SKAP2: variants seen among roughly 807,000 people sequenced by gnomAD.
SKAP2 encodes the protein src kinase-associated phosphoprotein 2.
Under a neutral mutation model 54.9 loss-of-function variants are expected in SKAP2, and 28 were observed. The ratio of observed to expected loss-of-function variants is 0.51; its 90% CI spans 0.38 to 0.70. SKAP2 has a LOEUF of 0.70. Among genes scored for constraint, SKAP2 ranks in the 30% least tolerant of loss-of-function variants. The probability of loss-of-function intolerance (pLI) is 0.00; values close to 1 mark genes in which losing one functional copy is unlikely to be tolerated. For missense variants in SKAP2, 356 were observed against 424.1 expected (o/e 0.84, Z 1.41); for synonymous variants, 137 against 134.3 (o/e 1.02, Z -0.14).
chr7:26,662,748 C>CA (rs1273743449), downstream of SKAP2, among the ~76,000 whole-genome samples: 1 of 152,086 alleles, frequency 6.6e-6, no homozygotes, highest in Admixed American at 6.6e-5. Flanking sequence ...TGCTACATTT[C>CA]AGGTTTTTCA....
chr7:26,702,595 G>A (rs1294297151), intron 9 of SKAP2, among the ~76,000 whole-genome samples: 1 of 152,104 alleles, frequency 6.6e-6, no homozygotes, highest in Non-Finnish European at 1.5e-5. Context: ...TAACCATCCT[G>A]ATCCCTGGTT....
intron 4 of SKAP2, among the ~76,000 whole-genome samples, chr7:26,771,773 T>C (rs1406624086): frequency 6.6e-6 from 1 of 152,182 alleles, no homozygotes; most frequent in Admixed American, 6.5e-5. Context: ...AATATTTTTA[T>C]AGAAAATAAA....
chr7:26,864,570 G>C lies in SKAP2; in HGVS notation c.-141C>G. On this transcript the variant is annotated 5_prime_UTR_variant, in exon 1 of 13. Transcript: ENST00000345317. ...CTACGAGTCGGGACACTGCCGGGCC[G>C]GGGCTCACAACAAGGAAGTCACTGA... 2 of 1,421,946 alleles carry C rather than the reference G, an allele frequency of 1.4e-6. No individual in the cohort carries two copies. Among genetic ancestry groups the C allele is most frequent in the South Asian group, 1.5e-5 (1 of 67,564 alleles). The allele number at this position is 1,421,946 out of a possible 1,614,324, so 88.1% of individuals were successfully genotyped here. A position where few individuals can be genotyped will look rare whatever the true frequency, so the allele number is the denominator to read the frequency against.
chr7:26,747,003 C>A (rs1280126824), intron 4 of SKAP2, among the ~76,000 whole-genome samples: 1 of 152,048 alleles, frequency 6.6e-6, no homozygotes, highest in African/African-American at 2.4e-5. Context: ...TTGAATAATT[C>A]TTCCCTCCAT....
chr7:26,829,089 C>A (rs1188109860), intron 4 of SKAP2, among the ~76,000 whole-genome samples: 1 of 152,038 alleles, frequency 6.6e-6, no homozygotes, highest in Non-Finnish European at 1.5e-5. Flanking sequence ...TAAACTTCGT[C>A]AAAATGCAAA....
intron 9 of SKAP2, among the ~76,000 whole-genome samples, chr7:26,706,075 C>T (rs1317165518): frequency 6.6e-6 from 1 of 151,742 alleles, no homozygotes; most frequent in East Asian, 1.9e-4. Flanking sequence ...GAAATATAAC[C>T]CTATTTGGTT....
chr7:26,681,157 A>G (rs1164172378), intron 11 of SKAP2, among the ~76,000 whole-genome samples: 1 of 152,232 alleles, frequency 6.6e-6, no homozygotes, highest in African/African-American at 2.4e-5. Context: ...CATTTACAAA[A>G]TTAAAACACT....
At chr7:26,712,940 C>T (rs899463780) in intron 9 of SKAP2, among the ~76,000 whole-genome samples, 9 of 152,152 alleles carry the variant, frequency 5.9e-5, no homozygotes, top group Admixed American at 5.2e-4. Flanking sequence ...TTTGTGTGGG[C>T]AATCTTATAT....
At chr7:26,819,122 C>A (rs1784331464) in intron 4 of SKAP2, among the ~76,000 whole-genome samples, 1 of 152,112 alleles carries the variant, frequency 6.6e-6, no homozygotes, top group Non-Finnish European at 1.5e-5. Context: ...CACATGCACA[C>A]ATATGTTTAT....
At chr7:26,752,457 G>A (rs1247487742) in intron 4 of SKAP2, among the ~76,000 whole-genome samples, 1 of 152,132 alleles carries the variant, frequency 6.6e-6, no homozygotes, top group Admixed American at 6.6e-5. Context: ...TACAAAACGA[G>A]GAGGCCCAAG....
At chr7:26,674,671 C>T (rs7786456) in intron 11 of SKAP2, among the ~76,000 whole-genome samples, 12,672 of 152,176 alleles carry the variant, frequency 0.083, 599 homozygotes, top group Middle Eastern at 0.17. Flanking sequence ...TAGTGGTGTA[C>T]GGAGATCAAT....
intron 4 of SKAP2, among the ~76,000 whole-genome samples, chr7:26,817,830 A>G (rs971050293): frequency 6.6e-6 from 1 of 152,186 alleles, no homozygotes; most frequent in African/African-American, 2.4e-5. Context: ...GTGAACTCCC[A>G]TTCACAATTG....
At chr7:26,693,810 A>G (rs1470016137) in intron 9 of SKAP2, among the ~76,000 whole-genome samples, 1 of 152,186 alleles carries the variant, frequency 6.6e-6, no homozygotes, top group Non-Finnish European at 1.5e-5. Flanking sequence ...AACTCATTTT[A>G]TCTTGGCTAA....
At chr7:26,746,434 C>G (rs1024702918) in intron 4 of SKAP2, 4 of 151,906 alleles carry the variant, frequency 2.6e-5, no homozygotes, top group Non-Finnish European at 4.4e-5. Flanking sequence ...AACAAAGAAC[C>G]AAAACAAAAT....
chr7:26,828,773 T>A (rs1205136494), intron 4 of SKAP2, among the ~76,000 whole-genome samples: 2 of 150,720 alleles, frequency 1.3e-5, no homozygotes, highest in Admixed American at 1.3e-4. Context: ...ACACCTGTAA[T>A]CCCAGCACTT....
intron 4 of SKAP2, among the ~76,000 whole-genome samples, chr7:26,825,059 G>A (rs1424123982): frequency 6.6e-6 from 1 of 152,130 alleles, no homozygotes; most frequent in African/African-American, 2.4e-5. Context: ...ACTAAGAACT[G>A]TATTTCTCTT....
At chr7:26,846,837 C>T (rs1210308762) in intron 3 of SKAP2, among the ~76,000 whole-genome samples, 1 of 152,016 alleles carries the variant, frequency 6.6e-6, no homozygotes, top group Non-Finnish European at 1.5e-5. Context: ...AAAAGTTAGC[C>T]GGGCATGATG....
chr7:26,816,213 C>T (rs1316776599), intron 4 of SKAP2, among the ~76,000 whole-genome samples: 5 of 152,164 alleles, frequency 3.3e-5, no homozygotes, highest in African/African-American at 1.2e-4. Context: ...GTTCAAAATC[C>T]AACCACACGG....
At chr7:26,699,923 T>C (rs1257869628) in intron 9 of SKAP2, among the ~76,000 whole-genome samples, 4 of 152,302 alleles carry the variant, frequency 2.6e-5, no homozygotes, top group East Asian at 1.9e-4. Flanking sequence ...TTGACTCATA[T>C]TGAGCTATTG....
Sources: gnomAD v4.1 joint callset for allele counts (sites outside exome capture counted in the v4.1 genomes callset) on GRCh38, gnomAD v4.1.1 for gene constraint, MANE v1.5 for transcripts, NCBI Gene and HGNC (gene_info 2026-07-23, HGNC 2026-07-21) for gene names.